DACH1: variants seen among roughly 807,000 people sequenced by gnomAD.
DACH1 encodes dachshund family transcription factor 1, also known as dachshund homolog 1.
In DACH1, 12 loss-of-function variants were observed where a neutral mutation model predicts 54.2. The observed-to-expected ratio is 0.22, with a 90% CI of 0.14 to 0.36. DACH1 has a LOEUF of 0.36. Among genes scored for constraint, DACH1 ranks in the 10% least tolerant of loss-of-function variants. The probability of loss-of-function intolerance (pLI) is 1.00; values close to 1 mark genes in which losing one functional copy is unlikely to be tolerated. For missense variants in DACH1, 805 were observed against 929.8 expected, an observed-to-expected ratio of 0.87 and a Z score of 1.75; for synonymous variants, 386 against 366.2, an observed-to-expected ratio of 1.05 and a Z score of -0.62.
chr13:71,799,134 T>C (rs114853114), intron 1 of DACH1, among the ~76,000 whole-genome samples: 1,618 of 152,240 alleles, frequency 0.011, 28 homozygotes, highest in African/African-American at 0.036. Flanking sequence ...TTCAGCTTTA[T>C]TTACACTGTC....
rs1885851720 is a variant in DACH1 at position 71,771,463 on chromosome 13, A to T, written c.849-89553T>A. ...ACTTAGTATTTAAATGCAAATCAGT[A>T]TGTCAATTTAAGTATCCCTGCATCC... is the stretch of plus-strand genomic sequence containing the variant. On this transcript the variant is annotated intron_variant, in intron 1 of 10. Transcript: ENST00000613252. 2.6e-5 allele frequency among the ~76,000 whole-genome samples: 4 copies of T among 151,678 alleles called. No individual in the cohort carries two copies. The South Asian group carries it at 8.3e-4, about 31-fold the overall frequency.
chr13:71,571,836 C>T (rs542281450), intron 4 of DACH1, among the ~76,000 whole-genome samples: 4 of 150,218 alleles, frequency 2.7e-5, no homozygotes, highest in South Asian at 2.2e-4. Context: ...CCTGGGTTCA[C>T]GCCATTCTCC....
chr13:71,656,007 CT>C (rs1200866262), intron 2 of DACH1, among the ~76,000 whole-genome samples: 3 of 152,234 alleles, frequency 2.0e-5, no homozygotes, highest in East Asian at 3.9e-4. Context: ...ATTTAATGAG[CT>C]TGAAACTTGC....
chr13:71,589,545 C>T (rs984267883), intron 3 of DACH1, among the ~76,000 whole-genome samples: 5 of 151,550 alleles, frequency 3.3e-5, no homozygotes, highest in East Asian at 3.9e-4. Context: ...TTTTGTAGAC[C>T]GTAAGTCAGT....
At chr13:71,684,879 T>C (rs947775088) in intron 1 of DACH1, among the ~76,000 whole-genome samples, 1 of 151,946 alleles carries the variant, frequency 6.6e-6, no homozygotes, top group Non-Finnish European at 1.5e-5. Context: ...TTCCAAGAAA[T>C]GAAAAGTAAG....
chr13:71,614,338 G>A (rs1260711937), intron 3 of DACH1, among the ~76,000 whole-genome samples: 1 of 152,062 alleles, frequency 6.6e-6, no homozygotes, highest in Non-Finnish European at 1.5e-5. Context: ...TTATTATTCT[G>A]CAAGAGTAGT....
At chr13:71,686,951 A>G (rs905737364) in intron 1 of DACH1, among the ~76,000 whole-genome samples, 1 of 152,212 alleles carries the variant, frequency 6.6e-6, no homozygotes, top group Non-Finnish European at 1.5e-5. Flanking sequence ...AAGCCCTTCT[A>G]TAAGAAGGAC....
chr13:71,810,536 T>A (rs978768836), intron 1 of DACH1, among the ~76,000 whole-genome samples: 1 of 152,136 alleles, frequency 6.6e-6, no homozygotes, highest in Non-Finnish European at 1.5e-5. Flanking sequence ...AAAGTATAAG[T>A]AATAAAATAA....
intron 1 of DACH1, among the ~76,000 whole-genome samples, chr13:71,779,677 A>T (rs1334945177): frequency 1.3e-5 from 2 of 152,144 alleles, no homozygotes; most frequent in African/African-American, 4.8e-5. Context: ...TCATGGAGTG[A>T]TGGAGATACT....
intron 3 of DACH1, among the ~76,000 whole-genome samples, chr13:71,605,778 G>T (rs187047910): frequency 6.6e-6 from 1 of 151,756 alleles, no homozygotes; most frequent in Non-Finnish European, 1.5e-5. Context: ...GCAGAGTCTA[G>T]AAAATATGAA....
chr13:71,625,401 C>T (rs1876573696), intron 3 of DACH1, among the ~76,000 whole-genome samples: 1 of 151,926 alleles, frequency 6.6e-6, no homozygotes, highest in Non-Finnish European at 1.5e-5. Context: ...CAAATAGACA[C>T]ATGTGTTAGA....
chr13:71,618,025 A>T (rs1017522392), intron 3 of DACH1, among the ~76,000 whole-genome samples: 1 of 152,196 alleles, frequency 6.6e-6, no homozygotes, highest in African/African-American at 2.4e-5. Flanking sequence ...CCTACAGTCA[A>T]CCGTAAGTGA....
intron 2 of DACH1, among the ~76,000 whole-genome samples, chr13:71,638,663 T>C (rs546657875): frequency 6.6e-6 from 1 of 152,306 alleles, no homozygotes; most frequent in East Asian, 1.9e-4. Context: ...GCAGGAATAT[T>C]AAATTACTTC....
intron 6 of DACH1, among the ~76,000 whole-genome samples, chr13:71,507,057 G>C (rs1402404783): frequency 6.6e-6 from 1 of 151,246 alleles, no homozygotes; most frequent in Non-Finnish European, 1.5e-5. Context: ...TTGACAAATG[G>C]GATCTAATTA....
intron 4 of DACH1, 80 bp from the exon 5 acceptor site, chr13:71,560,035 T>C (rs1203408842): frequency 7.3e-7 from 1 of 1,370,990 alleles, no homozygotes; most frequent in Admixed American, 3.2e-5. Flanking sequence ...TTGTTTTTTC[T>C]CAATACAATA....
At chr13:71,718,493 T>G (rs1883084247) in intron 1 of DACH1, among the ~76,000 whole-genome samples, 1 of 151,590 alleles carries the variant, frequency 6.6e-6, no homozygotes, top group South Asian at 2.1e-4. Context: ...GGAGGATTAC[T>G]TGTGTCAGGG....
At chr13:71,844,813 A>G (rs911784137) in intron 1 of DACH1, among the ~76,000 whole-genome samples, 9 of 152,144 alleles carry the variant, frequency 5.9e-5, no homozygotes, top group African/African-American at 2.2e-4. Context: ...TCAAGGCAAC[A>G]TGGATAGAAC....
At chr13:71,740,923 C>T (rs1282804312) in intron 1 of DACH1, among the ~76,000 whole-genome samples, 2 of 152,030 alleles carry the variant, frequency 1.3e-5, no homozygotes, top group African/African-American at 4.8e-5. Flanking sequence ...TACCTTTTAG[C>T]CTTGACACTT....
At chr13:71,722,220 G>A (rs955053095) in intron 1 of DACH1, among the ~76,000 whole-genome samples, 2 of 152,152 alleles carry the variant, frequency 1.3e-5, no homozygotes, top group African/African-American at 2.4e-5. Flanking sequence ...AAGAAGTTTA[G>A]TAAGTTTTGT....
Sources: allele counts gnomAD v4.1 joint callset (sites outside exome capture counted in the v4.1 genomes callset), GRCh38; gene constraint gnomAD v4.1.1; transcripts MANE v1.5; gene names NCBI Gene and HGNC (gene_info 2026-07-23, HGNC 2026-07-21).